UGT2B4: variants seen among roughly 807,000 people sequenced by gnomAD.
UGT2B4 encodes the protein UDP-glucuronosyltransferase 2B4.
Under a neutral mutation model 49.8 loss-of-function variants are expected in UGT2B4, and 49 were observed. That is an observed-to-expected ratio of 0.98 (90% CI 0.78 to 1.25). UGT2B4 has a LOEUF of 1.25. UGT2B4 is among the 50% of genes most tolerant of loss of function. The pLI is 0.00. For missense variants in UGT2B4, 729 were observed against 627.7 expected, an observed-to-expected ratio of 1.16 and a Z score of -1.73; for synonymous variants, 246 against 217.7, an observed-to-expected ratio of 1.13 and a Z score of -1.14.
chr4:69,504,140 T>C (rs1728408941), intron 1 of UGT2B4, among the ~76,000 whole-genome samples: 2 of 152,174 alleles, frequency 1.3e-5, no homozygotes, highest in Non-Finnish European at 2.9e-5. Flanking sequence ...GCAAGAATGC[T>C]GAAAACTCAA....
chr4:69,506,196 G>A (rs112748922), intron 1 of UGT2B4, among the ~76,000 whole-genome samples: 1 of 152,002 alleles, frequency 6.6e-6, no homozygotes, highest in South Asian at 2.1e-4. Flanking sequence ...AAATTCCAAA[G>A]CTAGCAGAAG....
intron 1 of UGT2B4, among the ~76,000 whole-genome samples, chr4:69,503,379 C>G (rs1158139799): frequency 6.6e-6 from 1 of 152,154 alleles, no homozygotes; most frequent in Non-Finnish European, 1.5e-5. Context: ...ATGTTCTCTC[C>G]CAAGACTGCA....
chr4:69,511,912 C>T (rs1470383140), intron 1 of UGT2B4, among the ~76,000 whole-genome samples: 2 of 151,904 alleles, frequency 1.3e-5, no homozygotes, highest in African/African-American at 4.8e-5. Flanking sequence ...ATGAATATAT[C>T]AATTTCTTCT....
chr4:69,518,363 G>A (rs549109169), intron 1 of UGT2B4: 6 of 152,324 alleles, frequency 3.9e-5, no homozygotes, highest in Non-Finnish European at 8.8e-5. Flanking sequence ...GCAGAGCTGA[G>A]GTAGCAGAAT....
At chr4:69,521,882 C>T (rs149149298) in intron 1 of UGT2B4, among the ~76,000 whole-genome samples, 9 of 152,194 alleles carry the variant, frequency 5.9e-5, no homozygotes, top group African/African-American at 1.9e-4. Context: ...TAACAATTAC[C>T]CATCATCACA....
intron 1 of UGT2B4, among the ~76,000 whole-genome samples, chr4:69,519,858 T>C (rs549260969): frequency 6.6e-6 from 1 of 152,354 alleles, no homozygotes; most frequent in South Asian, 2.1e-4. Context: ...TGTGTAAAAC[T>C]GCAGATTCAC....
At chr4:69,510,838 C>A (rs375955387) in intron 1 of UGT2B4, among the ~76,000 whole-genome samples, 1 of 151,936 alleles carries the variant, frequency 6.6e-6, no homozygotes, top group South Asian at 2.1e-4. Context: ...GCTGGTACTC[C>A]AGTACTATGT....
chr4:69,485,128 A>G, intron 5 of UGT2B4, 80 bp downstream of exon 5: 1 of 1,493,874 alleles, frequency 6.7e-7, no homozygotes, highest in East Asian at 2.3e-5. Context: ...GTCGCTTATA[A>G]AAAGGATAAA....
intron 1 of UGT2B4, among the ~76,000 whole-genome samples, chr4:69,516,302 T>C (rs948280882): frequency 3.9e-5 from 6 of 152,190 alleles, no homozygotes; most frequent in African/African-American, 1.4e-4. Context: ...TACATATGCA[T>C]GTATCTTTGT....
rs147419602 is a variant in UGT2B4, at chr4:69,525,837, C to A, written c.-256G>T. 1.1e-3 allele frequency: 853 copies of A among 783,394 alleles called. 8 individuals are homozygous for A. In the African/African-American group the frequency reaches 0.015, roughly 14 times the overall value. 48.5% of individuals were successfully genotyped at this position (783,394 alleles called of 1,614,324 possible). On this transcript the variant is annotated 5_prime_UTR_variant, in exon 1 of 2. Transcript: ENST00000510114. The stretch of plus-strand genomic sequence containing the variant: ...GGGCTCCAGGCTGGGCGAGGTGGCT[C>A]ACACCGTTAATCCCAGCACTTTGGG...
intron 1 of UGT2B4, among the ~76,000 whole-genome samples, chr4:69,522,637 T>C (rs1403288482): frequency 6.6e-6 from 1 of 152,206 alleles, no homozygotes; most frequent in Non-Finnish European, 1.5e-5. Flanking sequence ...GATTTTTGCC[T>C]CCGTATTAAT....
At chr4:69,523,342 A>G (rs1728887572) in intron 1 of UGT2B4, among the ~76,000 whole-genome samples, 2 of 152,122 alleles carry the variant, frequency 1.3e-5, no homozygotes, top group South Asian at 4.1e-4. Context: ...TGAAAGTCAA[A>G]ATTATACCTT....
At chr4:69,523,374 A>G (rs1226063821) in intron 1 of UGT2B4, among the ~76,000 whole-genome samples, 1 of 152,142 alleles carries the variant, frequency 6.6e-6, no homozygotes, top group Non-Finnish European at 1.5e-5. Flanking sequence ...TGCAAAATAG[A>G]TGTAATGTTA....
upstream of UGT2B4, among the ~76,000 whole-genome samples, chr4:69,499,461 G>C (rs1728245615): frequency 6.6e-6 from 1 of 152,132 alleles, no homozygotes; most frequent in Non-Finnish European, 1.5e-5. Flanking sequence ...TGACAGTGGG[G>C]TGTTAAAGTC....
At chr4:69,505,024 A>T (rs1033654916) in intron 1 of UGT2B4, among the ~76,000 whole-genome samples, 3 of 152,154 alleles carry the variant, frequency 2.0e-5, no homozygotes, top group African/African-American at 7.2e-5. Flanking sequence ...GGCTGAAGGA[A>T]TCTGTTACCA....
chr4:69,480,723 AG>A lies in UGT2B4; in HGVS notation c.1497del (p.Cys500ValfsTer5), dbSNP rs1170908539. ...ATGATGAATATCACAGTTGCCACAC[AG>A]GCCAGCAGGAACCCAGTCACATCCA... The part of the protein sequence containing the change: ...HSLDVTGFLL[A>X]CVATVIFIIT... On this transcript the variant is annotated frameshift_variant, in exon 6 of 6. Transcript: ENST00000305107. LOFTEE classifies it high-confidence loss of function. 3 of 1,613,974 alleles carry A rather than the reference AG, an allele frequency of 1.9e-6. No homozygotes were observed. The highest frequency in any genetic ancestry group is 2.5e-6 in the Non-Finnish European group (3 of 1,179,986).
At chr4:69,510,421 G>A (rs531987638) in intron 1 of UGT2B4, among the ~76,000 whole-genome samples, 1 of 152,114 alleles carries the variant, frequency 6.6e-6, no homozygotes, top group South Asian at 2.1e-4. Context: ...CTTTTAATAG[G>A]AATTATATTG....
At chr4:69,508,715 C>G (rs1049508153) in intron 1 of UGT2B4, among the ~76,000 whole-genome samples, 1 of 151,932 alleles carries the variant, frequency 6.6e-6, no homozygotes, top group Non-Finnish European at 1.5e-5. Flanking sequence ...GGCTGAAGAG[C>G]GGGAGGAGGG....
intron 3 of UGT2B4, among the ~76,000 whole-genome samples, chr4:69,488,403 T>TA (rs41297409): frequency 0.19 from 28,152 of 151,364 alleles, 2,938 homozygotes; most frequent in Non-Finnish European, 0.24. Flanking sequence ...CCTTATAAAT[T>TA]AAAAAAAAAT....
Sources: gnomAD v4.1 joint callset for allele counts (sites outside exome capture counted in the v4.1 genomes callset) on GRCh38, gnomAD v4.1.1 for gene constraint, MANE v1.5 for transcripts, NCBI Gene and HGNC (gene_info 2026-07-23, HGNC 2026-07-21) for gene names.